APBB1IP: variants seen among roughly 807,000 people sequenced by gnomAD.
APBB1IP encodes amyloid beta precursor protein binding family B member 1 interacting protein.
A neutral mutation model predicts 64.9 loss-of-function variants in APBB1IP; 27 were observed. The observed-to-expected ratio is 0.42, with a 90% CI of 0.31 to 0.57. The LOEUF (loss-of-function observed/expected upper bound fraction) is 0.57, where lower values mean the gene tolerates loss of function less well. Among genes scored for constraint, APBB1IP ranks in the 20% least tolerant of loss-of-function variants. APBB1IP has a pLI of 0.20. For synonymous variants in APBB1IP, 392 were observed against 331.0 expected, an observed-to-expected ratio of 1.18 and a Z score of -2.00; for missense variants, 812 against 845.5, an observed-to-expected ratio of 0.96 and a Z score of 0.49.
chr10:26,486,607 G>A (rs1835894560), intron 2 of APBB1IP, among the ~76,000 whole-genome samples: 1 of 152,060 alleles, frequency 6.6e-6, no homozygotes, highest in Non-Finnish European at 1.5e-5. Context: ...AATAAAGGCC[G>A]CCCTCATCCA....
At chr10:26,441,746 A>G (rs1238707459) in intron 2 of APBB1IP, among the ~76,000 whole-genome samples, 1 of 152,204 alleles carries the variant, frequency 6.6e-6, no homozygotes, top group Non-Finnish European at 1.5e-5. Flanking sequence ...TCCGTGACTC[A>G]GTTTTAAAAC....
chr10:26,536,222 G>GAAAAAA lies in APBB1IP; in HGVS notation c.1044+16_1044+21dup. On this transcript the variant is annotated splice_donor_region_variant and intron_variant, in intron 10 of 14. Transcript: ENST00000376236. ...GTACCCAAAGGAAAGACTAAGGTCA[G>GAAAAAA]AAAAAAAAAAAAAAAAGCACTTAGC... 7.4e-7 allele frequency: 1 copy of GAAAAAA among 1,352,806 alleles called. No individual in the cohort carries two copies. Among genetic ancestry groups the GAAAAAA allele is most frequent in the African/African-American group, 1.7e-5 (1 of 59,380 alleles). The allele number at this position is 1,352,806 out of a possible 1,614,324, so 83.8% of individuals were successfully genotyped here.
intron 4 of APBB1IP, 24 bp downstream of exon 4, chr10:26,496,415 T>A: frequency 6.5e-7 from 1 of 1,542,120 alleles, no homozygotes; most frequent in South Asian, 1.1e-5. Context: ...TTTCTTTTCT[T>A]AAGTAATTCA....
intron 8 of APBB1IP, among the ~76,000 whole-genome samples, chr10:26,524,119 C>T (rs1053202720): frequency 2.0e-5 from 3 of 152,116 alleles, no homozygotes; most frequent in Non-Finnish European, 4.4e-5. Context: ...CTCCCACCCT[C>T]CTTTCTCCTT....
Position 26,567,060 on chromosome 10 carries a change from T to C in APBB1IP, c.1573T>C (p.Ser525Pro). ...GCCCCCGCCCCCTCCGGTGCGGAGG[T>C]CCTCCGACACCAGCGGCAGTCCCGC... is the stretch of plus-strand genomic sequence containing the variant. Reference protein sequence around the residue: ...SLPPPPPVRRSSDTSGSPATP... With the variant: ...SLPPPPPVRRPSDTSGSPATP... The change falls in exon 15 of 15, where the codon TCC becomes CCC. Residue 525 changes from serine (S) to proline (P), a missense_variant. Transcript: ENST00000376236. 1 of 1,477,596 alleles carries C rather than the reference T, an allele frequency of 6.8e-7. No homozygotes were observed. The highest frequency in any genetic ancestry group is 8.8e-7 in the Non-Finnish European group (1 of 1,132,664). 91.5% of individuals were successfully genotyped at this position (1,477,596 alleles called of 1,614,324 possible).
chr10:26,511,813 G>A lies in APBB1IP; in HGVS notation c.598G>A (p.Ala200Thr). Reference protein sequence around the residue: ...KSLMVDERQLARDVLDNLFEK... With the variant: ...KSLMVDERQLTRDVLDNLFEK... ...ACTGATGGTGGATGAGCGGCAGCTG[G>A]CCCGAGATGTTCTGGACAACCTTTT... The change falls in exon 7 of 15, where the codon GCC becomes ACC. Residue 200 changes from alanine to threonine, a missense_variant. Coordinates refer to ENST00000376236, the MANE Select transcript of APBB1IP (RefSeq NM_019043.4). The A allele has an allele frequency of 1.2e-6, 2 of 1,614,148 alleles. No homozygotes were observed. The highest frequency in any genetic ancestry group is 1.7e-6 in the Non-Finnish European group (2 of 1,180,032).
At chr10:26,535,039 G>T (rs11015156) in intron 9 of APBB1IP, among the ~76,000 whole-genome samples, 36,078 of 151,986 alleles carry the variant, frequency 0.24, 5,011 homozygotes, top group Middle Eastern at 0.31. Flanking sequence ...CTAAATGAGA[G>T]GATGTTGAGA....
At chr10:26,486,648 T>TTGC (rs1400445776) in intron 2 of APBB1IP, among the ~76,000 whole-genome samples, 3 of 152,166 alleles carry the variant, frequency 2.0e-5, no homozygotes, top group Non-Finnish European at 4.4e-5. Context: ...ATGGCTGGAA[T>TTGC]TGCTGATCTT....
intron 2 of APBB1IP, among the ~76,000 whole-genome samples, chr10:26,482,726 C>T (rs529658552): frequency 1.1e-4 from 16 of 151,990 alleles, no homozygotes; most frequent in Non-Finnish European, 1.9e-4. Flanking sequence ...TGGAGAGCCT[C>T]AGATTTTTGA....
chr10:26,474,070 GTTTCAGTGATTT>G (rs1047909133), intron 2 of APBB1IP, among the ~76,000 whole-genome samples: 2 of 145,400 alleles, frequency 1.4e-5, no homozygotes, highest in African/African-American at 5.2e-5. Context: ...TCTCCTTTTG[GTTTCAGTGATTT>G]TTTTTAATGT....
At chr10:26,554,853 G>A (rs975944567) in intron 11 of APBB1IP, among the ~76,000 whole-genome samples, 4 of 152,124 alleles carry the variant, frequency 2.6e-5, no homozygotes, top group African/African-American at 9.7e-5. Flanking sequence ...AAAGTGCTAT[G>A]ATTACAGGTG....
intron 3 of APBB1IP, among the ~76,000 whole-genome samples, chr10:26,493,739 T>A (rs571294496): frequency 1.5e-3 from 222 of 152,302 alleles, no homozygotes; most frequent in African/African-American, 5.0e-3. Flanking sequence ...AATAGAGAAA[T>A]TTACCCCCAA....
intron 7 of APBB1IP, 44 bp from the exon 8 acceptor site, chr10:26,513,495 C>A: frequency 6.2e-7 from 1 of 1,604,348 alleles, no homozygotes; most frequent in Non-Finnish European, 8.5e-7. Context: ...CTTGGAAACC[C>A]TGATGTCTTG....
At chr10:26,509,364 C>T (rs1836224240) in intron 6 of APBB1IP, among the ~76,000 whole-genome samples, 1 of 152,152 alleles carries the variant, frequency 6.6e-6, no homozygotes, top group East Asian at 1.9e-4. Context: ...AGGAAGAAAG[C>T]ATTTTGACTG....
chr10:26,449,719 G>C (rs1835443486), intron 2 of APBB1IP, among the ~76,000 whole-genome samples: 1 of 152,102 alleles, frequency 6.6e-6, no homozygotes, highest in Admixed American at 6.6e-5. Context: ...CCACTCAAAG[G>C]TGCTTGAAGT....
At chr10:26,476,352 C>A (rs1444802200) in intron 2 of APBB1IP, among the ~76,000 whole-genome samples, 1 of 144,346 alleles carries the variant, frequency 6.9e-6, no homozygotes, top group Non-Finnish European at 1.5e-5. Context: ...GAGGCTGAAG[C>A]AGGAGGATTG....
chr10:26,557,913 G>A (rs975856201), intron 11 of APBB1IP, among the ~76,000 whole-genome samples: 6 of 152,136 alleles, frequency 3.9e-5, no homozygotes, highest in Non-Finnish European at 7.4e-5. Context: ...ATTTAAGATG[G>A]AAAGCGAAAG....
chr10:26,468,945 C>A lies in APBB1IP; in HGVS notation c.1-23382C>A, dbSNP rs1018114778. Among the ~76,000 whole-genome samples the A allele has an allele frequency of 2.4e-4, 37 of 152,286 alleles. 2 individuals are homozygous for A. Among genetic ancestry groups the A allele is most frequent in the Admixed American group, 2.4e-3 (37 of 15,284 alleles). On this transcript the variant is annotated intron_variant, in intron 2 of 14. Transcript: ENST00000376236. The stretch of plus-strand genomic sequence containing the variant: ...CTGGGGTTACCTGGATTTGACCCCT[C>A]CTGAGGTGGCGGTGTCTGCCTTCCT...
chr10:26,478,330 G>T (rs1408269539), intron 2 of APBB1IP, among the ~76,000 whole-genome samples: 2 of 152,222 alleles, frequency 1.3e-5, no homozygotes, highest in Admixed American at 1.3e-4. Flanking sequence ...AATCCAAGGG[G>T]CCAGTGAGTG....
Sources: gnomAD v4.1 joint callset for allele counts (sites outside exome capture counted in the v4.1 genomes callset) on GRCh38, gnomAD v4.1.1 for gene constraint, MANE v1.5 for transcripts, NCBI Gene and HGNC (gene_info 2026-07-23, HGNC 2026-07-21) for gene names.